UGT1A4: variants seen among roughly 807,000 people sequenced by gnomAD.
UGT1A4 encodes the protein UDP glucuronosyltransferase family 1 member A4, also known as UDP-glucuronosyltransferase 1A4.
UGT1A4 carries 32 observed loss-of-function variants against 41.1 expected under a neutral mutation model. The observed-to-expected ratio is 0.78, with a 90% confidence interval of 0.59 to 1.05. The LOEUF (loss-of-function observed/expected upper bound fraction) is 1.05, where lower values mean the gene tolerates loss of function less well. Ranked by LOEUF, UGT1A4 falls within the 50% of genes least tolerant of loss-of-function variation. The pLI, the probability that UGT1A4 is intolerant of heterozygous loss-of-function variation, is 0.00. For missense variants in UGT1A4, 748 were observed against 677.4 expected (o/e 1.10, Z -1.16); for synonymous variants, 283 against 265.1 (o/e 1.07, Z -0.66).
At chr2:233,725,887 G>A (rs1228393532) in intron 1 of UGT1A4, among the ~76,000 whole-genome samples, 1 of 152,022 alleles carries the variant, frequency 6.6e-6, no homozygotes, top group Non-Finnish European at 1.5e-5. Context: ...TGATTTGTAG[G>A]CAGGTGGGTG....
At chr2:233,744,055 C>T (rs115067532) in intron 1 of UGT1A4, 5 of 645,238 alleles carry the variant, frequency 7.7e-6, no homozygotes, top group Admixed American at 3.6e-5. Flanking sequence ...TCTCATTGGT[C>T]GAGGCCTATG....
chr2:233,761,244 C>A lies in UGT1A4; in HGVS notation c.868-5790C>A, dbSNP rs555483711. 5.0e-6 allele frequency: 8 copies of A among 1,610,826 alleles called. No homozygotes were observed. In the African/African-American group the frequency reaches 1.1e-4, roughly 21 times the overall value. On this transcript the variant is annotated intron_variant, in intron 1 of 4. Transcript: ENST00000373409. ...TAGCCCCAGATATATGCTGAGCAAG[C>A]ATTCTGAGATAATTTAAAATGCCCT...
At chr2:233,748,253 G>T (rs1389891866) in intron 1 of UGT1A4, among the ~76,000 whole-genome samples, 3 of 151,736 alleles carry the variant, frequency 2.0e-5, no homozygotes, top group Non-Finnish European at 2.9e-5. Flanking sequence ...CGTATTTCAG[G>T]TTTTAAATGG....
At position 233,719,246 on chromosome 2, in the gene UGT1A4, T is replaced by C. The variant is rs1449809732; in HGVS notation, c.426T>C (p.Asn142=). 5.0e-6 allele frequency: 8 copies of C among 1,614,096 alleles called. No individual in the cohort carries two copies. The highest frequency in any genetic ancestry group is 6.8e-6 in the Non-Finnish European group (8 of 1,180,034). The change falls in exon 1 of 5, where the codon AAT becomes AAC. Residue 142 remains asparagine (N), a synonymous_variant. Transcript: ENST00000373409. Reference sequence around the variant, plus strand: ...ATGAGGCCCTGATCAGGCACCTGAATGCTACTTCCTTTGATGTGGTTTTAA... The same window carrying C: ...ATGAGGCCCTGATCAGGCACCTGAACGCTACTTCCTTTGATGTGGTTTTAA... The part of the protein sequence containing the change: ...LHNEALIRHL[N]ATSFDVVLTD...
intron 1 of UGT1A4, among the ~76,000 whole-genome samples, chr2:233,759,713 T>TGGTG (rs1157954887): frequency 2.6e-5 from 4 of 151,594 alleles, no homozygotes; most frequent in African/African-American, 9.7e-5. Flanking sequence ...CGTGCTCGTG[T>TGGTG]GGTGGGCTCT....
chr2:233,751,062 CA>C (rs1460604687), intron 1 of UGT1A4, among the ~76,000 whole-genome samples: 3 of 151,906 alleles, frequency 2.0e-5, no homozygotes, highest in Non-Finnish European at 4.4e-5. Context: ...CACAGACACT[CA>C]ATGCCAGCCT....
intron 4 of UGT1A4, chr2:233,770,954 G>C (rs1038327841): frequency 2.6e-5 from 4 of 152,166 alleles, no homozygotes; most frequent in African/African-American, 9.7e-5. Flanking sequence ...ACCTCAGGGA[G>C]CTTTTACTCA....
chr2:233,753,792 G>A (rs1695310266), intron 1 of UGT1A4: 1 of 152,134 alleles, frequency 6.6e-6, no homozygotes, highest in African/African-American at 2.4e-5. Context: ...ACATTTCCAG[G>A]ACCTACCATA....
intron 1 of UGT1A4, chr2:233,747,172 C>G: frequency 6.3e-7 from 1 of 1,596,738 alleles, no homozygotes. Flanking sequence ...GTAGGAGGCA[C>G]AGCGTGGGGT....
intron 1 of UGT1A4, chr2:233,747,287 G>A: frequency 6.2e-7 from 1 of 1,601,492 alleles, no homozygotes; most frequent in Admixed American, 1.7e-5. Context: ...GCCCAGCCCT[G>A]GGCTGAGAGT....
At chr2:233,760,586 T>G in intron 1 of UGT1A4, 1 of 1,614,234 alleles carries the variant, frequency 6.2e-7, no homozygotes, top group Non-Finnish European at 8.5e-7. Flanking sequence ...CATAATGTTT[T>G]TGAGAATGAT....
In UGT1A4 at chr2:233,768,259, C is replaced by T. The variant is rs72551353; in HGVS notation, c.1127C>T (p.Ser376Phe). ...MTRAFITHAGSHGVYESICNG... is the reference protein window; with the variant it reads ...MTRAFITHAGFHGVYESICNG... ...CGTGCCTTTATCACCCATGCTGGTT[C>T]CCATGGTGTTTATGAAAGCATATGC... Residue 376 changes from serine (S) to phenylalanine (F), a missense_variant, in exon 4 of 5, where the codon TCC becomes TTC. Ser to Phe is a radical substitution (Grantham distance 155). Coordinates refer to ENST00000373409, the MANE Select transcript of UGT1A4 (RefSeq NM_007120.3). The T allele has an allele frequency of 1.8e-5, 29 of 1,614,010 alleles. No homozygotes were observed. The highest frequency in any genetic ancestry group is 2.4e-5 in the Non-Finnish European group (28 of 1,180,040).
At position 233,750,184 on chromosome 2, in the gene UGT1A4, G is replaced by A. The variant is rs569592101; in HGVS notation, c.868-16850G>A. Among the ~76,000 whole-genome samples, 93 of 151,970 alleles carry A rather than the reference G, an allele frequency of 6.1e-4. 1 individual carries two copies. The South Asian group carries it at 0.019, about 32-fold the overall frequency. ...TTTTGACCAAAATGCTGATAATGTT[G>A]TGGACAATGAAGTCCAGGCTGAGTC... is the stretch of plus-strand genomic sequence containing the variant. On this transcript the variant is annotated intron_variant, in intron 1 of 4. Transcript: ENST00000373409.
At position 233,731,426 on chromosome 2, in the gene UGT1A4, C is replaced by A. The variant is rs575531992; in HGVS notation, c.867+11739C>A. Among the ~76,000 whole-genome samples, 3 of 152,128 alleles carry A rather than the reference C, an allele frequency of 2.0e-5. No homozygotes were observed. The South Asian group carries it at 6.2e-4, about 32-fold the overall frequency. On this transcript the variant is annotated intron_variant, in intron 1 of 4. Coordinates refer to ENST00000373409, the MANE Select transcript of UGT1A4 (RefSeq NM_007120.3). ...CATTAGGTATTTTTCCTAATGCCATCCCTCCCCCAGTCCCCCACCCCACAA... is the reference window on the plus strand; with the variant it reads ...CATTAGGTATTTTTCCTAATGCCATACCTCCCCCAGTCCCCCACCCCACAA...
At chr2:233,754,512 G>A (rs1197156567) in intron 1 of UGT1A4, 1 of 361,962 alleles carries the variant, frequency 2.8e-6, no homozygotes. Flanking sequence ...TATTCCTCCA[G>A]ATGTGCTTAA....
chr2:233,747,372 A>G (rs1321135438), intron 1 of UGT1A4: 1 of 1,604,206 alleles, frequency 6.2e-7, no homozygotes, highest in African/African-American at 1.3e-5. Flanking sequence ...GCTCCATGCC[A>G]GAGGCCACCA....
intron 1 of UGT1A4, among the ~76,000 whole-genome samples, chr2:233,750,926 G>A (rs939892463): frequency 5.3e-5 from 8 of 151,868 alleles, no homozygotes; most frequent in African/African-American, 1.9e-4. Flanking sequence ...AAAGAAATGT[G>A]AGGTTGGAGC....
chr2:233,744,110 C>T, intron 1 of UGT1A4: 1 of 393,860 alleles, frequency 2.5e-6, no homozygotes, highest in Non-Finnish European at 4.6e-6. Flanking sequence ...ACTGGCCCTG[C>T]TCTCTGTGAG....
chr2:233,724,187 G>A (rs1459882110), intron 1 of UGT1A4, among the ~76,000 whole-genome samples: 4 of 123,398 alleles, frequency 3.2e-5, no homozygotes, highest in Admixed American at 7.5e-5. Context: ...CCTCCCGGAC[G>A]GGGTGGCTGG....
Sources: allele counts gnomAD v4.1 joint callset (sites outside exome capture counted in the v4.1 genomes callset), GRCh38; gene constraint gnomAD v4.1.1; transcripts MANE v1.5; gene names NCBI Gene and HGNC (gene_info 2026-07-23, HGNC 2026-07-21).